Variants in PAX7 observed in about 807,000 individuals in gnomAD.
PAX7 encodes paired box protein Pax-7.
PAX7 carries 18 observed loss-of-function variants against 50.7 expected under a neutral mutation model. That is an observed-to-expected ratio of 0.36 (90% CI 0.25 to 0.53). The LOEUF is 0.53. Among genes scored for constraint, PAX7 ranks in the 20% least tolerant of loss-of-function variants. The pLI is 0.93. For missense variants in PAX7, 644 were observed against 702.9 expected (o/e 0.92, Z 0.95); for synonymous variants, 310 against 290.4 (o/e 1.07, Z -0.69).
At chr1:18,709,422 T>A (rs539851414) in intron 7 of PAX7, among the ~76,000 whole-genome samples, 18 of 152,352 alleles carry the variant, frequency 1.2e-4, no homozygotes, top group South Asian at 4.1e-4. Context: ...AAGAATATTC[T>A]CTAAGTGTGC....
In PAX7 at chr1:18,744,705, G is replaced by GATAGATAA. The variant is rs1263643660; in HGVS notation, c.1403-107_1403-106insAGATAAAT. 714 of 598,218 alleles carry GATAGATAA rather than the reference G, an allele frequency of 1.2e-3. 6 individuals carry two copies. The African/African-American group carries it at 0.013, about 11-fold the overall frequency. 37.1% of individuals were successfully genotyped at this position (598,218 alleles called of 1,614,324 possible). ...GGATGGATAAATGGATGGATGGATG[G>GATAGATAA]ATGGATGGATGGATGGATGGATGGA... On this transcript the variant is annotated intron_variant, in intron 8 of 8. Transcript: ENST00000420770.
chr1:18,713,830 G>A (rs1448814154), intron 7 of PAX7, among the ~76,000 whole-genome samples: 1 of 152,176 alleles, frequency 6.6e-6, no homozygotes, highest in Non-Finnish European at 1.5e-5. Flanking sequence ...CCAGACAGCA[G>A]CAAATGACAT....
chr1:18,740,149 G>A (rs1472190598), intron 8 of PAX7, among the ~76,000 whole-genome samples: 2 of 152,172 alleles, frequency 1.3e-5, no homozygotes, highest in African/African-American at 4.8e-5. Context: ...GGACAGGGAG[G>A]GCCGTTGACG....
chr1:18,716,293 TCACTCCCC>T (rs1176084861), intron 7 of PAX7, among the ~76,000 whole-genome samples: 1 of 152,160 alleles, frequency 6.6e-6, no homozygotes, highest in Non-Finnish European at 1.5e-5. Context: ...CTCGGCCTTG[TCACTCCCC>T]CACTCTGTGG....
At chr1:18,666,566 C>T (rs1398004357) in intron 4 of PAX7, among the ~76,000 whole-genome samples, 1 of 152,200 alleles carries the variant, frequency 6.6e-6, no homozygotes. Flanking sequence ...ATCCTCTTAG[C>T]CCCCAATCTG....
chr1:18,744,429 AGGATGGAT>A (rs375857866), intron 8 of PAX7, among the ~76,000 whole-genome samples: 4,582 of 60,434 alleles, frequency 0.076, 329 homozygotes, highest in Middle Eastern at 0.18. Flanking sequence ...GATAGATGGA[AGGATGGAT>A]GGATGGATGG....
intron 7 of PAX7, among the ~76,000 whole-genome samples, chr1:18,721,110 T>A (rs962647659): frequency 6.6e-6 from 1 of 151,778 alleles, no homozygotes; most frequent in Non-Finnish European, 1.5e-5. Flanking sequence ...CCCTCCAGCC[T>A]CTTCTCCCAC....
At chr1:18,729,067 G>T (rs2089614499) in intron 7 of PAX7, among the ~76,000 whole-genome samples, 1 of 152,218 alleles carries the variant, frequency 6.6e-6, no homozygotes. Context: ...AAGGCAAGTT[G>T]TGAGCTGGGC....
intron 7 of PAX7, among the ~76,000 whole-genome samples, chr1:18,707,113 G>C (rs952702534): frequency 1.3e-5 from 2 of 152,230 alleles, no homozygotes; most frequent in Non-Finnish European, 2.9e-5. Flanking sequence ...CTATGTGCCA[G>C]GCACTGTTCT....
At chr1:18,639,808 G>A (rs182208645) in intron 4 of PAX7, among the ~76,000 whole-genome samples, 1 of 152,134 alleles carries the variant, frequency 6.6e-6, no homozygotes, top group African/African-American at 2.4e-5. Flanking sequence ...CACCAAAGCC[G>A]CATGCATCTG....
At chr1:18,687,613 G>A (rs559667477) in intron 4 of PAX7, among the ~76,000 whole-genome samples, 1 of 152,214 alleles carries the variant, frequency 6.6e-6, no homozygotes, top group East Asian at 1.9e-4. Context: ...CTTGGCCAAG[G>A]CGGGTAGTGG....
chr1:18,718,441 GA>G (rs1440139696), intron 7 of PAX7, among the ~76,000 whole-genome samples: 13 of 152,138 alleles, frequency 8.5e-5, no homozygotes, highest in African/African-American at 2.7e-4. Context: ...TCCATGGTGG[GA>G]CTGGGGAAAT....
intron 4 of PAX7, among the ~76,000 whole-genome samples, chr1:18,641,095 C>T (rs1032448032): frequency 1.2e-4 from 18 of 152,242 alleles, no homozygotes; most frequent in African/African-American, 4.3e-4. Context: ...GCTCGCAGCC[C>T]CAGAACCCGC....
intron 4 of PAX7, among the ~76,000 whole-genome samples, chr1:18,666,266 A>G (rs2088668004): frequency 6.6e-6 from 1 of 152,234 alleles, no homozygotes; most frequent in Non-Finnish European, 1.5e-5. Context: ...AGGGGAAAAA[A>G]ATAGCTCTGC....
intron 3 of PAX7, among the ~76,000 whole-genome samples, chr1:18,635,722 T>C (rs1209159994): frequency 1.3e-5 from 2 of 152,140 alleles, no homozygotes; most frequent in African/African-American, 4.8e-5. Context: ...AGTTATGATT[T>C]CTGCTGTCGC....
At chr1:18,677,943 G>A (rs570563380) in intron 4 of PAX7, among the ~76,000 whole-genome samples, 98 of 151,970 alleles carry the variant, frequency 6.4e-4, no homozygotes, top group South Asian at 1.7e-3. Context: ...TTAGCCGGGC[G>A]TGGTGGCATT....
intron 8 of PAX7, among the ~76,000 whole-genome samples, chr1:18,736,570 A>C (rs1173614034): frequency 1.3e-5 from 2 of 152,064 alleles, no homozygotes; most frequent in Non-Finnish European, 2.9e-5. Context: ...AATGCAATTC[A>C]TATATAATTA....
At chr1:18,659,461 G>T (rs989688128) in intron 4 of PAX7, among the ~76,000 whole-genome samples, 1 of 152,156 alleles carries the variant, frequency 6.6e-6, no homozygotes, top group Non-Finnish European at 1.5e-5. Context: ...TACTGAGGGG[G>T]CCTGAAAAGG....
At chr1:18,737,359 C>T (rs769258675) in intron 8 of PAX7, among the ~76,000 whole-genome samples, 1 of 143,964 alleles carries the variant, frequency 6.9e-6, no homozygotes, top group Non-Finnish European at 1.5e-5. Context: ...CTTCACGTGT[C>T]GTTGGCCTCC....
Sources: allele counts gnomAD v4.1 joint callset (sites outside exome capture counted in the v4.1 genomes callset), GRCh38; gene constraint gnomAD v4.1.1; transcripts MANE v1.5; gene names NCBI Gene and HGNC (gene_info 2026-07-23, HGNC 2026-07-21).